The following CTNND2 variants were observed in gnomAD, a reference collection of about 807,000 sequenced individuals.
CTNND2 encodes the protein catenin delta-2.
Under a neutral mutation model 144.4 loss-of-function variants are expected in CTNND2, and 22 were observed. The observed-to-expected ratio is 0.15, with a 90% CI of 0.11 to 0.22. The LOEUF (loss-of-function observed/expected upper bound fraction) is 0.22, where lower values mean the gene tolerates loss of function less well. CTNND2 is among the 10% of genes least tolerant of loss of function. The probability of loss-of-function intolerance (pLI) is 1.00; values close to 1 mark genes in which losing one functional copy is unlikely to be tolerated. For synonymous variants in CTNND2, 751 were observed against 695.6 expected, an observed-to-expected ratio of 1.08 and a Z score of -1.25; for missense variants, 1,353 against 1,618.8, an observed-to-expected ratio of 0.84 and a Z score of 2.82.
intron 15 of CTNND2, among the ~76,000 whole-genome samples, chr5:11,090,105 T>G (rs1051533183): frequency 2.0e-5 from 3 of 152,220 alleles, no homozygotes; most frequent in African/African-American, 7.2e-5. Context: ...CTGAGGCCCC[T>G]GGTGTGGTGC....
chr5:11,737,823 A>G (rs1412635063), intron 1 of CTNND2, among the ~76,000 whole-genome samples: 4 of 152,202 alleles, frequency 2.6e-5, no homozygotes, highest in African/African-American at 9.6e-5. Flanking sequence ...CCCTTTGCAT[A>G]CACAAAGACA....
At position 11,304,388 on chromosome 5, in the gene CTNND2, CCA is replaced by C. The variant is rs1282276247; in HGVS notation, c.1628+41982_1628+41983del. ...CATTAATGTATTACACACAGGCACA[CCA>C]CACACACTTACACACACACACAAAC... On this transcript the variant is annotated intron_variant, in intron 9 of 21. Coordinates refer to ENST00000304623, the MANE Select transcript of CTNND2 (RefSeq NM_001332.4). Among the ~76,000 whole-genome samples the C allele has an allele frequency of 2.6e-5, 4 of 151,848 alleles. No homozygotes were observed. In the East Asian group the frequency reaches 7.8e-4, roughly 29 times the overall value.
intron 16 of CTNND2, among the ~76,000 whole-genome samples, chr5:11,064,541 C>G (rs1747348123): frequency 6.6e-6 from 1 of 151,868 alleles, no homozygotes; most frequent in Non-Finnish European, 1.5e-5. Flanking sequence ...GCGCTCCCTC[C>G]CCTCCTTCTC....
At chr5:11,231,519 G>C (rs943640740) in intron 10 of CTNND2, among the ~76,000 whole-genome samples, 1 of 152,216 alleles carries the variant, frequency 6.6e-6, no homozygotes, top group African/African-American at 2.4e-5. Flanking sequence ...CTCTTGCTAT[G>C]CTTTAGAAAA....
rs78446079 is a variant in CTNND2, at chr5:11,368,409, G to A, written c.1178-3519C>T. Reference sequence around the variant, plus strand: ...CACTTGGCTGTGGGGTTGGTGTTGGGGGAGCGAGGAAAGGGTTCAGTCCTA... The same window carrying A: ...CACTTGGCTGTGGGGTTGGTGTTGGAGGAGCGAGGAAAGGGTTCAGTCCTA... On this transcript the variant is annotated intron_variant, in intron 7 of 21. Coordinates refer to ENST00000304623, the MANE Select transcript of CTNND2 (RefSeq NM_001332.4). Among the ~76,000 whole-genome samples the A allele has an allele frequency of 4.4e-3, 666 of 152,262 alleles. 6 individuals are homozygous for A. The highest frequency in any genetic ancestry group is 0.015 in the African/African-American group (633 of 41,554).
chr5:11,308,351 C>G (rs1471517854), intron 9 of CTNND2, among the ~76,000 whole-genome samples: 1 of 151,998 alleles, frequency 6.6e-6, no homozygotes, highest in Non-Finnish European at 1.5e-5. Flanking sequence ...ATATTTTAGG[C>G]TTTGGAAACA....
At chr5:11,213,908 C>T (rs996080898) in intron 10 of CTNND2, among the ~76,000 whole-genome samples, 4 of 152,038 alleles carry the variant, frequency 2.6e-5, no homozygotes, top group African/African-American at 4.8e-5. Flanking sequence ...AAGTGAAAAT[C>T]GTTCAGAAAG....
chr5:11,653,933 AG>A lies in CTNND2; in HGVS notation c.174+78202del, dbSNP rs542929074. Among the ~76,000 whole-genome samples the A allele has an allele frequency of 9.9e-5, 15 of 152,138 alleles. 1 individual carries two copies. The East Asian group carries it at 2.9e-3, about 29-fold the overall frequency. On this transcript the variant is annotated intron_variant, in intron 2 of 21. Coordinates refer to ENST00000304623, the MANE Select transcript of CTNND2 (RefSeq NM_001332.4). The stretch of plus-strand genomic sequence containing the variant: ...GATTTTTATGTATGGTTTAAGATTA[AG>A]GGTTCAATTTCATTATTTTGCATGT...
chr5:11,199,507 G>C lies in CTNND2; in HGVS notation c.1916C>G (p.Pro639Arg). The change falls in exon 11 of 22, where the codon CCA becomes CGA. Residue 639 changes from proline to arginine, a missense_variant. This residue lies in a region of CTNND2 where 117 missense variants were observed against 117.8 expected (regional missense o/e 0.99). Coordinates refer to ENST00000304623, the MANE Select transcript of CTNND2 (RefSeq NM_001332.4). ...CTTGCGGAGTAACCTCACCAGTGCT[G>C]GGATGCCACCACAGTTTTTCAGGGC... ...KIALKNCGGI[P>R]ALVRLLRKTT... is the part of the protein sequence containing the mutation. The C allele has an allele frequency of 6.2e-7, 1 of 1,614,166 alleles. No individual in the cohort carries two copies. The highest frequency in any genetic ancestry group is 8.5e-7 in the Non-Finnish European group (1 of 1,180,032).
chr5:11,601,708 T>C (rs1779807677), intron 2 of CTNND2, among the ~76,000 whole-genome samples: 1 of 152,166 alleles, frequency 6.6e-6, no homozygotes, highest in Non-Finnish European at 1.5e-5. Flanking sequence ...TTGATCTTCT[T>C]AATAATCTTT....
chr5:11,832,099 T>C (rs1375732100), intron 1 of CTNND2, among the ~76,000 whole-genome samples: 11 of 151,982 alleles, frequency 7.2e-5, no homozygotes, highest in African/African-American at 2.7e-4. Flanking sequence ...CTGGCTAACA[T>C]GGTGAAACCC....
At chr5:11,428,255 T>G (rs928427362) in intron 3 of CTNND2, among the ~76,000 whole-genome samples, 1 of 152,214 alleles carries the variant, frequency 6.6e-6, no homozygotes, top group African/African-American at 2.4e-5. Context: ...CAGTAGTTTT[T>G]TAATTAATTT....
At chr5:11,095,624 G>C (rs1177518421) in intron 15 of CTNND2, among the ~76,000 whole-genome samples, 1 of 152,222 alleles carries the variant, frequency 6.6e-6, no homozygotes, top group Non-Finnish European at 1.5e-5. Context: ...CTGCCCATAA[G>C]GGGCGTACAG....
In CTNND2 at chr5:11,741,496, C is replaced by T. The variant is rs927629687; in HGVS notation, c.38-9224G>A. 6.6e-5 allele frequency among the ~76,000 whole-genome samples: 10 copies of T among 152,150 alleles called. 1 individual carries two copies. Among genetic ancestry groups the T allele is most frequent in the South Asian group, 4.1e-4 (2 of 4,822 alleles). The stretch of plus-strand genomic sequence containing the variant: ...GAAAAGCAAACACTGCATGTTCTCA[C>T]TCACAGGTGGGAGGTGAACAATGAG... On this transcript the variant is annotated intron_variant, in intron 1 of 21. Transcript: ENST00000304623.
intron 9 of CTNND2, among the ~76,000 whole-genome samples, chr5:11,302,348 T>C (rs1301240627): frequency 6.6e-6 from 1 of 152,052 alleles, no homozygotes; most frequent in Non-Finnish European, 1.5e-5. Flanking sequence ...TCCAGAGTCT[T>C]GCACACCTGG....
intron 1 of CTNND2, among the ~76,000 whole-genome samples, chr5:11,811,996 T>C (rs1332835019): frequency 6.6e-6 from 1 of 152,226 alleles, no homozygotes; most frequent in Admixed American, 6.5e-5. Context: ...AAAAAAAGCA[T>C]ACTGCCACTG....
intron 9 of CTNND2, among the ~76,000 whole-genome samples, chr5:11,314,036 G>A (rs1254009466): frequency 6.6e-6 from 1 of 152,062 alleles, no homozygotes; most frequent in Non-Finnish European, 1.5e-5. Context: ...CCAACATTGG[G>A]AATTACAATT....
chr5:11,739,517 GA>G, intron 1 of CTNND2, among the ~76,000 whole-genome samples: 1 of 152,242 alleles, frequency 6.6e-6, no homozygotes, highest in South Asian at 2.1e-4. Flanking sequence ...TCTATGGCCA[GA>G]AACCACACTC....
At chr5:11,101,887 ATGTGTGTGTGTGTGTGTGTGTG>A (rs201704440) in intron 14 of CTNND2, among the ~76,000 whole-genome samples, 3 of 145,286 alleles carry the variant, frequency 2.1e-5, no homozygotes, top group Non-Finnish European at 1.5e-5. Flanking sequence ...ACGACCACAT[ATGTGTGTGTGTGTGTGTGTGTG>A]TGTGTGTGTG....
Sources: allele counts gnomAD v4.1 joint callset (sites outside exome capture counted in the v4.1 genomes callset), GRCh38; gene constraint gnomAD v4.1.1; regional missense constraint gnomAD v4.1.1; transcripts MANE v1.5; gene names NCBI Gene and HGNC (gene_info 2026-07-23, HGNC 2026-07-21).